Variants in ZFPM1 observed in about 807,000 individuals in gnomAD.
The protein encoded by ZFPM1 is zinc finger protein, FOG family member 1.
Under a neutral mutation model 46.3 loss-of-function variants are expected in ZFPM1, and 28 were observed. That is an observed-to-expected ratio of 0.60 (90% CI 0.45 to 0.83). ZFPM1 has a LOEUF of 0.83. Among genes scored for constraint, ZFPM1 ranks in the 40% least tolerant of loss-of-function variants. The pLI, the probability that ZFPM1 is intolerant of heterozygous loss-of-function variation, is 0.00. For missense variants in ZFPM1, 1,878 were observed against 1,432.4 expected (o/e 1.31, Z -5.02); for synonymous variants, 957 against 675.9 (o/e 1.42, Z -6.45).
intron 3 of ZFPM1, among the ~76,000 whole-genome samples, chr16:88,512,651 C>T (rs1911037495): frequency 6.6e-6 from 1 of 152,138 alleles, no homozygotes; most frequent in Admixed American, 6.5e-5. Context: ...CCACATGCTT[C>T]CCTGTGGCCC....
intron 1 of ZFPM1, among the ~76,000 whole-genome samples, chr16:88,459,179 C>T (rs1216540699): frequency 6.6e-6 from 1 of 152,210 alleles, no homozygotes; most frequent in Non-Finnish European, 1.5e-5. Context: ...CCACACCTGC[C>T]TGATGGCCTT....
At chr16:88,508,516 C>G (rs954978354) in intron 3 of ZFPM1, among the ~76,000 whole-genome samples, 39 of 152,302 alleles carry the variant, frequency 2.6e-4, no homozygotes, top group Non-Finnish European at 2.8e-4. Context: ...ACGTGGGTTC[C>G]CCTGGTCTCT....
At chr16:88,532,378 G>C in intron 7 of ZFPM1, 143 bp downstream of exon 7, 1 of 974,396 alleles carries the variant, frequency 1.0e-6, no homozygotes, top group Non-Finnish European at 1.5e-6. Context: ...CAGGGCCCCC[G>C]CAGGGGCCCA....
intron 3 of ZFPM1, among the ~76,000 whole-genome samples, chr16:88,501,588 AT>A (rs1910325724): frequency 1.7e-5 from 1 of 58,904 alleles, no homozygotes; most frequent in Admixed American, 2.0e-4. Flanking sequence ...GTGTGGGTGC[AT>A]GGGCTCTCCC....
At chr16:88,517,476 GTGGATGGA>G (rs142475772) in intron 4 of ZFPM1, among the ~76,000 whole-genome samples, 5,577 of 130,806 alleles carry the variant, frequency 0.043, 160 homozygotes, top group African/African-American at 0.088. Context: ...GGATGGCTGG[GTGGATGGA>G]TGGATGGATG....
chr16:88,465,636 G>A (rs904688840), intron 1 of ZFPM1, among the ~76,000 whole-genome samples: 1 of 152,206 alleles, frequency 6.6e-6, no homozygotes, highest in Non-Finnish European at 1.5e-5. Flanking sequence ...AGTCCCATTG[G>A]CCAGCTGGGG....
rs1187765358 is a variant in ZFPM1 at position 88,534,668 on chromosome 16, CCCGCCCCCG to C, written c.2716_2724del (p.Pro906_Ala908del). 4.0e-6 allele frequency: 4 copies of C among 995,618 alleles called. No homozygotes were observed. The highest frequency in any genetic ancestry group is 4.5e-5 in the South Asian group (1 of 22,184). The allele number at this position is 995,618 out of a possible 1,614,324, so 61.7% of individuals were successfully genotyped here. The stretch of plus-strand genomic sequence containing the variant: ...GGCCGACCGCGGCCCCTCGCCCGCT[CCCGCCCCCG>C]CCGCCTCCCCGCAGCCCGGGTCCCG... On this transcript the variant is annotated inframe_deletion, in exon 10 of 10. Transcript: ENST00000319555.
intron 1 of ZFPM1, among the ~76,000 whole-genome samples, chr16:88,461,303 T>C (rs1243904216): frequency 6.6e-6 from 1 of 151,374 alleles, no homozygotes; most frequent in African/African-American, 2.4e-5. Flanking sequence ...GGATGCTTGC[T>C]GGGGAGTCCC....
chr16:88,490,486 G>A (rs553588523), intron 3 of ZFPM1, among the ~76,000 whole-genome samples: 4 of 152,344 alleles, frequency 2.6e-5, no homozygotes, highest in East Asian at 3.9e-4. Flanking sequence ...TGAGGCGCTC[G>A]CCGTGCTGGG....
Position 88,471,181 on chromosome 16 carries a change from CCTGACCGCGATGGGCA to C in ZFPM1, c.41-14753_41-14738del, listed in dbSNP as rs532764875. ...GACTTTTCCTCTCCACTTACTCCGC[CCTGACCGCGATGGGCA>C]CTGAGAATTCAGACAAGAGCCGGAC... On this transcript the variant is annotated intron_variant, in intron 1 of 9. Transcript: ENST00000319555. This position sits in a 1 kb window ranked among gnomAD's most constrained non-coding sequence, Gnocchi z 4.1. Among the ~76,000 whole-genome samples the C allele has an allele frequency of 3.5e-3, 535 of 152,354 alleles. 1 individual carries two copies. Among genetic ancestry groups the C allele is most frequent in the African/African-American group, 0.012 (515 of 41,576 alleles).
intron 4 of ZFPM1, among the ~76,000 whole-genome samples, chr16:88,515,565 G>GT (rs1177473152): frequency 6.6e-6 from 1 of 152,192 alleles, no homozygotes; most frequent in Non-Finnish European, 1.5e-5. Context: ...GGGCACCCCT[G>GT]TCTGCCAGGG....
intron 1 of ZFPM1, among the ~76,000 whole-genome samples, chr16:88,463,551 C>A (rs1907995320): frequency 6.6e-6 from 1 of 152,278 alleles, no homozygotes; most frequent in African/African-American, 2.4e-5. Context: ...GACGTGGCCT[C>A]ACGTCCTTCT....
chr16:88,508,964 C>T (rs920815948), intron 3 of ZFPM1, among the ~76,000 whole-genome samples: 2 of 152,208 alleles, frequency 1.3e-5, no homozygotes, highest in African/African-American at 2.4e-5. Context: ...GGCGCGTCAT[C>T]GTGGACAGAG....
At position 88,534,701 on chromosome 16, in the gene ZFPM1, C is replaced by T; in HGVS notation, c.2743C>T (p.Arg915Cys). The change falls in exon 10 of 10, where the codon CGT becomes TGT. Residue 915 changes from arginine to cysteine, a missense_variant. Physicochemically the swap from Arg to Cys is radical, Grantham distance 180. Coordinates refer to ENST00000319555, the MANE Select transcript of ZFPM1 (RefSeq NM_153813.3). ...CGCCGCCTCCCCGCAGCCCGGGTCCCGTGGCCCCCGGGACGGCCTCGGCCC... is the reference window on the plus strand; with the variant it reads ...CGCCGCCTCCCCGCAGCCCGGGTCCTGTGGCCCCCGGGACGGCCTCGGCCC... ...APAASPQPGS[R>C]GPRDGLGPEP... 2.0e-6 allele frequency: 2 copies of T among 984,328 alleles called. No homozygotes were observed. Among genetic ancestry groups the T allele is most frequent in the Non-Finnish European group, 2.4e-6 (2 of 830,332 alleles). 61.0% of individuals were successfully genotyped at this position (984,328 alleles called of 1,614,324 possible). A position where few individuals can be genotyped will look rare whatever the true frequency, so the allele number is the denominator to read the frequency against.
At chr16:88,485,881 G>A (rs1047303257) in intron 1 of ZFPM1, 58 bp from the exon 2 acceptor site, 18 of 1,542,384 alleles carry the variant, frequency 1.2e-5, no homozygotes, top group African/African-American at 1.4e-5. Flanking sequence ...GAGGGGTCAG[G>A]AGGCAGGAGC....
In ZFPM1 at chr16:88,456,849, G is replaced by A. The variant is rs1400272776; in HGVS notation, c.40+3171G>A. Among the ~76,000 whole-genome samples the A allele has an allele frequency of 2.0e-5, 3 of 152,162 alleles. 1 individual carries two copies. Among genetic ancestry groups the A allele is most frequent in the Non-Finnish European group, 4.4e-5 (3 of 68,018 alleles). ...CTGGAGATATTGAGGGTCCACCGAG[G>A]CACTTTGCAGTGGAAGGGCCCATGG... is the stretch of plus-strand genomic sequence containing the variant. On this transcript the variant is annotated intron_variant, in intron 1 of 9. Transcript: ENST00000319555.
chr16:88,493,123 GGAGCTGTCCCGGGGTGGGGA>G (rs1567537458), intron 3 of ZFPM1, among the ~76,000 whole-genome samples: 1 of 72,478 alleles, frequency 1.4e-5, no homozygotes, highest in Non-Finnish European at 2.9e-5. Flanking sequence ...CGGGGTGGGG[GGAGCTGTCCCGGGGTGGGGA>G]GAGCTGTCCC....
chr16:88,498,245 G>A (rs1044618815), intron 3 of ZFPM1, among the ~76,000 whole-genome samples: 1 of 152,182 alleles, frequency 6.6e-6, no homozygotes, highest in Non-Finnish European at 1.5e-5. Context: ...GGCAGAGGGG[G>A]CCCTGGGGAG....
At chr16:88,524,703 G>C (rs1160234262) in intron 4 of ZFPM1, among the ~76,000 whole-genome samples, 2 of 152,252 alleles carry the variant, frequency 1.3e-5, no homozygotes, top group African/African-American at 4.8e-5. Flanking sequence ...AACATACCGG[G>C]AGGAAACTGA....
Sources: allele counts gnomAD v4.1 joint callset (sites outside exome capture counted in the v4.1 genomes callset), GRCh38; gene constraint gnomAD v4.1.1; non-coding constraint Gnocchi (gnomAD v3.1); transcripts MANE v1.5; gene names NCBI Gene and HGNC (gene_info 2026-07-23, HGNC 2026-07-21).